The following JAK3 variants were observed in gnomAD, a reference collection of about 807,000 sequenced individuals.
JAK3 encodes tyrosine-protein kinase JAK3.
Under a neutral mutation model 120.8 loss-of-function variants are expected in JAK3, and 88 were observed. The observed-to-expected ratio is 0.73, with a 90% CI of 0.61 to 0.87. The LOEUF (loss-of-function observed/expected upper bound fraction) is 0.87. JAK3 is among the 40% of genes least tolerant of loss of function. JAK3 has a pLI of 0.00. For missense variants in JAK3, 1,254 were observed against 1,501.4 expected (o/e 0.84, Z 2.72); for synonymous variants, 592 against 628.6 (o/e 0.94, Z 0.87).
chr19:17,847,150 A>T (rs1211873523), intron 1 of JAK3, among the ~76,000 whole-genome samples: 3 of 151,950 alleles, frequency 2.0e-5, no homozygotes, highest in African/African-American at 7.3e-5. Context: ...CGCTGGCCTC[A>T]GCCTCCCAAA....
chr19:17,842,700 C>A lies in JAK3; in HGVS notation c.567-90G>T. On this transcript the variant is annotated intron_variant, in intron 5 of 23. Coordinates refer to ENST00000458235, the MANE Select transcript of JAK3 (RefSeq NM_000215.4). The surrounding 1 kb of genome is among the most constrained non-coding windows in gnomAD (Gnocchi z 6.4). ...ACAAACCCAGGCTTTAGCCCAGGGG[C>A]TGGGGTGCGGCCCTAGTTGGGGCAC... 7.4e-7 allele frequency: 1 copy of A among 1,351,566 alleles called. No individual in the cohort carries two copies. The highest frequency in any genetic ancestry group is 9.9e-7 in the Non-Finnish European group (1 of 1,008,016). 83.7% of individuals were successfully genotyped at this position (1,351,566 alleles called of 1,614,324 possible).
In JAK3 at chr19:17,842,786, G is replaced by T; in HGVS notation, c.567-176C>A. 1 of 848,558 alleles carries T rather than the reference G, an allele frequency of 1.2e-6. No homozygotes were observed. Among genetic ancestry groups the T allele is most frequent in the Non-Finnish European group, 1.8e-6 (1 of 553,842 alleles). 52.6% of individuals were successfully genotyped at this position (848,558 alleles called of 1,614,324 possible). On this transcript the variant is annotated intron_variant, in intron 5 of 23. Transcript: ENST00000458235. This position sits in a 1 kb window ranked among gnomAD's most constrained non-coding sequence, Gnocchi z 6.4. ...GAGGACCGGACCTCAGAGTAGGGGA[G>T]GGCCATTGGCGCCCACAGGTCGGAC...
intron 9 of JAK3, among the ~76,000 whole-genome samples, 198 bp from the exon 10 acceptor site, chr19:17,839,861 C>T (rs979940826): frequency 4.0e-5 from 6 of 151,798 alleles, no homozygotes; most frequent in Non-Finnish European, 7.4e-5. Flanking sequence ...CTGCCTCAGC[C>T]TCCCGAGTAG....
chr19:17,831,125 G>C lies in JAK3; in HGVS notation c.2978+103C>G, dbSNP rs2094213648. On this transcript the variant is annotated intron_variant, in intron 21 of 23. Transcript: ENST00000458235. This position sits in a 1 kb window ranked among gnomAD's most constrained non-coding sequence, Gnocchi z 5.1. Reference sequence around the variant, plus strand: ...AAAGCTGCAGCGGAGGAAGGGCGGGGCTAAGGCTGGGGAGCAAAGCAGCGG... The same window carrying C: ...AAAGCTGCAGCGGAGGAAGGGCGGGCCTAAGGCTGGGGAGCAAAGCAGCGG... The C allele has an allele frequency of 7.9e-7, 1 of 1,266,750 alleles. No individual in the cohort carries two copies. The highest frequency in any genetic ancestry group is 1.1e-6 in the Non-Finnish European group (1 of 924,628). 78.5% of individuals were successfully genotyped at this position (1,266,750 alleles called of 1,614,324 possible). A position where few individuals can be genotyped will look rare whatever the true frequency, so the allele number is the denominator to read the frequency against.
In JAK3 at chr19:17,842,267, G is replaced by A. The variant is rs1479106665; in HGVS notation, c.861+49C>T. ...CCCTACCACTCTCCGGCCCCTCCCC[G>A]AGCCCCGCCCCCACGTTGGCCCCGC... On this transcript the variant is annotated intron_variant, in intron 6 of 23. Coordinates refer to ENST00000458235, the MANE Select transcript of JAK3 (RefSeq NM_000215.4). The surrounding 1 kb of genome is among the most constrained non-coding windows in gnomAD (Gnocchi z 6.4). The A allele has an allele frequency of 5.5e-6, 3 of 546,860 alleles. No individual in the cohort carries two copies. The highest frequency in any genetic ancestry group is 8.0e-6 in the Non-Finnish European group (3 of 373,496). The allele number at this position is 546,860 out of a possible 1,614,324, so 33.9% of individuals were successfully genotyped here.
Position 17,830,594 on chromosome 19 carries a change from T to C in JAK3, c.3005A>G (p.Asn1002Ser). Reference sequence around the variant, plus strand: ...GACGTCTGACTGGCGAGAGAAGATGTTGTCCGAGAGGGATTCGGGGGCATA... The same window carrying C: ...GACGTCTGACTGGCGAGAGAAGATGCTGTCCGAGAGGGATTCGGGGGCATA... ...FWYAPESLSD[N>S]IFSRQSDVWS... is the part of the protein sequence containing the mutation. The change falls in exon 22 of 24, where the codon AAC (asparagine) becomes AGC (serine). Residue 1002 changes from asparagine (N) to serine (S), a missense_variant. By Grantham distance (46) the Asn-to-Ser change is conservative. This residue lies in a region of JAK3 where 630 missense variants were observed against 819.8 expected (regional missense o/e 0.77). Coordinates refer to ENST00000458235, the MANE Select transcript of JAK3 (RefSeq NM_000215.4). 6.2e-7 allele frequency: 1 copy of C among 1,613,176 alleles called. No individual in the cohort carries two copies. The highest frequency in any genetic ancestry group is 8.5e-7 in the Non-Finnish European group (1 of 1,179,804).
Position 17,842,876 on chromosome 19 carries a change from G to T in JAK3, c.566+151C>A. ...TCTGTCCAGCTGGAGCCTGGGGGTG[G>T]AGAGGGCTGGGTTCGTGGGAGGCCC... On this transcript the variant is annotated intron_variant, in intron 5 of 23. Transcript: ENST00000458235. This position sits in a 1 kb window ranked among gnomAD's most constrained non-coding sequence, Gnocchi z 6.4. The T allele has an allele frequency of 9.2e-7, 1 of 1,088,414 alleles. No individual in the cohort carries two copies. 67.4% of individuals were successfully genotyped at this position (1,088,414 alleles called of 1,614,324 possible). A position where few individuals can be genotyped will look rare whatever the true frequency, so the allele number is the denominator to read the frequency against.
rs35060213 is a variant in JAK3 at position 17,839,711 on chromosome 19, C to T, written c.1255-48G>A. On this transcript the variant is annotated intron_variant, in intron 9 of 23. Transcript: ENST00000458235. ...AGTGGGACTGAGCGACAGACACTCT[C>T]CTTCTCAGTCCTTCTTCCTTTTTTT... The T allele has an allele frequency of 0.023, 30,642 of 1,352,870 alleles. 493 individuals are homozygous for T. Among genetic ancestry groups the T allele is most frequent in the African/African-American group, 0.076 (5,147 of 68,086 alleles). 83.8% of individuals were successfully genotyped at this position (1,352,870 alleles called of 1,614,324 possible).
At chr19:17,830,470 A>C (rs1568400818) in intron 22 of JAK3, 33 bp downstream of exon 22, 3 of 1,555,384 alleles carry the variant, frequency 1.9e-6, no homozygotes, top group Middle Eastern at 1.7e-4. Context: ...GTGGAGGGAG[A>C]AGAAGGCTGG....
Position 17,843,546 on chromosome 19 carries a change from G to C in JAK3, c.309-55C>G. The C allele has an allele frequency of 7.6e-7, 1 of 1,317,050 alleles. No homozygotes were observed. Among genetic ancestry groups the C allele is most frequent in the Non-Finnish European group, 1.1e-6 (1 of 927,502 alleles). 81.6% of individuals were successfully genotyped at this position (1,317,050 alleles called of 1,614,324 possible). On this transcript the variant is annotated intron_variant, in intron 3 of 23. Coordinates refer to ENST00000458235, the MANE Select transcript of JAK3 (RefSeq NM_000215.4). The surrounding 1 kb of genome is among the most constrained non-coding windows in gnomAD (Gnocchi z 5.4). The stretch of plus-strand genomic sequence containing the variant: ...AAAGTGCAACCCAGCCTCAGTAGGA[G>C]TGACATTATGGTGGGGGCGAGGGAC...
At position 17,839,584 on chromosome 19, in the gene JAK3, C is replaced by T. The variant is rs777849274; in HGVS notation, c.1334G>A (p.Arg445Gln). The stretch of plus-strand genomic sequence containing the variant: ...GAGCTCTCGAAGACTGCTGTGGGGT[C>T]GGCTGAGGCCAACCAGAAGGAAGGT... ...TGTFLLVGLS[R>Q]PHSSLRELLA... Residue 445 changes from arginine to glutamine, a missense_variant, in exon 10 of 24, where the codon CGA becomes CAA. By Grantham distance (43) the Arg-to-Gln change is conservative. Coordinates refer to ENST00000458235, the MANE Select transcript of JAK3 (RefSeq NM_000215.4). 6.8e-6 allele frequency: 11 copies of T among 1,611,348 alleles called. No individual in the cohort carries two copies. Among genetic ancestry groups the T allele is most frequent in the Middle Eastern group, 1.7e-4 (1 of 6,058 alleles).
At chr19:17,844,796 CAA>C (rs1227224590) in intron 1 of JAK3, among the ~76,000 whole-genome samples, 7 of 92,790 alleles carry the variant, frequency 7.5e-5, no homozygotes, top group Admixed American at 1.2e-4. Context: ...GACTCTGTCT[CAA>C]AAAAAAAAAA....
In JAK3 at chr19:17,841,748, G is replaced by A. The variant is rs2147695653; in HGVS notation, c.876C>T (p.Phe292=). The change falls in exon 7 of 24, where the codon TTC becomes TTT. Residue 292 remains phenylalanine (F), a synonymous_variant. Coordinates refer to ENST00000458235, the MANE Select transcript of JAK3 (RefSeq NM_000215.4). This position sits in a 1 kb window ranked among gnomAD's most constrained non-coding sequence, Gnocchi z 4.1. ...TGTCTACGATTTCTGGAAAGTCGCA[G>A]AAGGGCTGGAGGACCTGGGAAGGAG... ...TQGEQEVLQP[F]CDFPEIVDIS... is the part of the protein sequence containing the mutation. 1 of 1,607,736 alleles carries A rather than the reference G, an allele frequency of 6.2e-7. No individual in the cohort carries two copies. The highest frequency in any genetic ancestry group is 1.1e-5 in the South Asian group (1 of 91,082).
At chr19:17,840,112 G>C in intron 9 of JAK3, 118 bp downstream of exon 9, 1 of 737,030 alleles carries the variant, frequency 1.4e-6, no homozygotes, top group African/African-American at 1.7e-5. Flanking sequence ...CTGTTCACCG[G>C]GGGTGTCTTT....
chr19:17,832,858 G>C lies in JAK3; in HGVS notation c.2422C>G (p.Leu808Val), dbSNP rs767782114. The stretch of plus-strand genomic sequence containing the variant: ...ATCGTGGGGTCTTGGCAGGCATAGA[G>C]CTGGGCACCATTCCACAGCCCATCA... ...PRDGLWNGAQ[L>V]YACQDPTIFE... Residue 808 changes from leucine (L) to valine (V), a missense_variant, in exon 18 of 24, where the codon CTC (leucine) becomes GTC (valine). By Grantham distance (32) the Leu-to-Val change is conservative. Around this residue, in one of 3 missense-constraint regions of JAK3, gnomAD observed 630 missense variants for 819.8 expected, o/e 0.77. Transcript: ENST00000458235. The surrounding 1 kb of genome is among the most constrained non-coding windows in gnomAD (Gnocchi z 4.7). The C allele has an allele frequency of 1.2e-6, 2 of 1,614,236 alleles. No individual in the cohort carries two copies. The highest frequency in any genetic ancestry group is 1.7e-6 in the Non-Finnish European group (2 of 1,180,028).
intron 1 of JAK3, among the ~76,000 whole-genome samples, chr19:17,845,545 G>C (rs1568409086): frequency 6.6e-6 from 1 of 152,102 alleles, no homozygotes; most frequent in Non-Finnish European, 1.5e-5. Flanking sequence ...ACTTTGACAG[G>C]CCGAGGCAGG....
At chr19:17,827,717 TAAAAAAAAAAAAAAAAAA>T (rs760856974) in intron 23 of JAK3, among the ~76,000 whole-genome samples, 1,546 of 77,586 alleles carry the variant, frequency 0.02, 31 homozygotes, top group East Asian at 0.1. Flanking sequence ...CCATCTTAAC[TAAAAAAAAAAAAAAAAAA>T]AAAAAAAAAA....
rs1210288740 is a variant in JAK3 at position 17,842,368 on chromosome 19, A to G, written c.809T>C (p.Leu270Pro). The part of the protein sequence containing the change: ...GALGGHDGLG[L>P]LRVAGDGGIA... ...GCCGCCGTCACCAGCCACGCGGAGCAGCCCCAGCCCGTCGTGGCCACCAAG... is the reference window on the plus strand; with the variant it reads ...GCCGCCGTCACCAGCCACGCGGAGCGGCCCCAGCCCGTCGTGGCCACCAAG... The change falls in exon 6 of 24, where the codon CTG (leucine) becomes CCG (proline). Residue 270 changes from leucine (L) to proline (P), a missense_variant. Leu to Pro is a moderately conservative substitution (Grantham distance 98). Transcript: ENST00000458235. The surrounding 1 kb of genome is among the most constrained non-coding windows in gnomAD (Gnocchi z 6.4). 1.3e-6 allele frequency: 2 copies of G among 1,588,744 alleles called. No individual in the cohort carries two copies. The highest frequency in any genetic ancestry group is 1.7e-6 in the Non-Finnish European group (2 of 1,172,048).
In JAK3 at chr19:17,843,696, T is replaced by TG; in HGVS notation, c.308+80dup. ...GAAATGGGTAGTGACCATACCTCCC[T>TG]GGGGCAGGGGTGTGGGCACCTCGAA... On this transcript the variant is annotated intron_variant, in intron 3 of 23. Transcript: ENST00000458235. This position sits in a 1 kb window ranked among gnomAD's most constrained non-coding sequence, Gnocchi z 5.4. 6.5e-7 allele frequency: 1 copy of TG among 1,544,686 alleles called. No individual in the cohort carries two copies. The highest frequency in any genetic ancestry group is 1.4e-5 in the African/African-American group (1 of 73,604).
Sources: gnomAD v4.1 joint callset for allele counts (sites outside exome capture counted in the v4.1 genomes callset) on GRCh38, gnomAD v4.1.1 for gene constraint, gnomAD v4.1.1 regional missense constraint, Gnocchi (gnomAD v3.1) non-coding constraint, MANE v1.5 for transcripts, NCBI Gene and HGNC (gene_info 2026-07-23, HGNC 2026-07-21) for gene names.